NR1D2: variants seen among roughly 807,000 people sequenced by gnomAD.
NR1D2 encodes the protein V-erbA-related protein 1-related.
In NR1D2, 25 loss-of-function variants were observed where a neutral mutation model predicts 52.2. The ratio of observed to expected loss-of-function variants is 0.48; its 90% CI spans 0.35 to 0.67. The LOEUF is 0.67. Ranked by LOEUF, NR1D2 falls within the 30% of genes least tolerant of loss-of-function variation. The pLI is 0.01. For synonymous variants in NR1D2, 259 were observed against 230.1 expected (o/e 1.13, Z -1.14); for missense variants, 681 against 707.2 (o/e 0.96, Z 0.42).
intron 7 of NR1D2, among the ~76,000 whole-genome samples, chr3:23,975,504 G>A (rs1279638054): frequency 3.9e-5 from 6 of 152,138 alleles, no homozygotes; most frequent in Admixed American, 1.3e-4. Context: ...AGGTGCAGTG[G>A]CTTATGCCTG....
In NR1D2 at chr3:23,967,865, C is replaced by T; in HGVS notation, c.1385C>T (p.Thr462Ile). The T allele has an allele frequency of 6.2e-7, 1 of 1,614,042 alleles. No individual in the cohort carries two copies. The highest frequency in any genetic ancestry group is 8.5e-7 in the Non-Finnish European group (1 of 1,180,000). The stretch of plus-strand genomic sequence containing the variant: ...TTTGATGCAAAGGAACGTACTGTCA[C>T]CTTTTTAAGTGGAAAGAAATATAGT... Reference protein sequence around the residue: ...SLFDAKERTVTFLSGKKYSVD... With the variant: ...SLFDAKERTVIFLSGKKYSVD... The change falls in exon 7 of 8, where the codon ACC (threonine) becomes ATC (isoleucine). Residue 462 changes from threonine (T) to isoleucine (I), a missense_variant. Physicochemically the swap from Thr to Ile is moderately conservative, Grantham distance 89. Transcript: ENST00000312521.
chr3:23,963,466 T>G, intron 5 of NR1D2: 3 of 1,121,478 alleles, frequency 2.7e-6, no homozygotes, highest in Non-Finnish European at 3.4e-6. Context: ...TTGTTTTTTT[T>G]TTTGAGACAT....
intron 6 of NR1D2, among the ~76,000 whole-genome samples, chr3:23,965,779 A>G (rs995726115): frequency 1.3e-5 from 2 of 152,206 alleles, no homozygotes; most frequent in African/African-American, 2.4e-5. Flanking sequence ...ATGTGGACTT[A>G]ACAAGTTTCT....
chr3:23,966,316 T>G (rs1232314370), intron 6 of NR1D2, among the ~76,000 whole-genome samples: 1 of 152,246 alleles, frequency 6.6e-6, no homozygotes, highest in African/African-American at 2.4e-5. Flanking sequence ...TGTTAACCGA[T>G]TTAACTTGGA....
At chr3:23,969,771 C>T (rs1422499794) in intron 7 of NR1D2, among the ~76,000 whole-genome samples, 1 of 151,566 alleles carries the variant, frequency 6.6e-6, no homozygotes, top group Non-Finnish European at 1.5e-5. Flanking sequence ...AGTTCTCTGT[C>T]TGAGGTAAGC....
rs1706155832 is a variant in NR1D2, at chr3:23,958,812, G to A, written c.373-859G>A. Among the ~76,000 whole-genome samples the A allele has an allele frequency of 3.3e-5, 5 of 152,022 alleles. No homozygotes were observed. The South Asian group carries it at 1.0e-3, about 32-fold the overall frequency. On this transcript the variant is annotated intron_variant, in intron 3 of 7. Coordinates refer to ENST00000312521, the MANE Select transcript of NR1D2 (RefSeq NM_005126.5). ...AAAATACAAAAAATTAGCCAGGTAT[G>A]GTGGCACGTGCCTGTAATCCCAGCT...
At chr3:23,957,390 CTTTTTTTTT>C (rs201651739) in intron 3 of NR1D2, among the ~76,000 whole-genome samples, 5 of 110,540 alleles carry the variant, frequency 4.5e-5, no homozygotes, top group Admixed American at 1.0e-4. Context: ...CTCTATATAT[CTTTTTTTTT>C]TTTTTTTTTT....
At chr3:23,960,511 A>G (rs537787229) in intron 4 of NR1D2, among the ~76,000 whole-genome samples, 2 of 152,130 alleles carry the variant, frequency 1.3e-5, no homozygotes, top group South Asian at 2.1e-4. Context: ...TTGTATTTTT[A>G]GTAGAGATGG....
At chr3:23,956,161 C>T in intron 3 of NR1D2, 36 bp downstream of exon 3, 1 of 1,530,004 alleles carries the variant, frequency 6.5e-7, no homozygotes, top group African/African-American at 1.4e-5. Context: ...GCTACTGATT[C>T]TGGGATTTAA....
intron 2 of NR1D2, 100 bp downstream of exon 2, chr3:23,954,903 G>A: frequency 9.4e-7 from 1 of 1,067,006 alleles, no homozygotes; most frequent in Non-Finnish European, 1.4e-6. Context: ...TCTGGGTACA[G>A]TTTTCACTCC....
chr3:23,968,812 A>G (rs184531529), intron 7 of NR1D2, among the ~76,000 whole-genome samples: 146 of 152,296 alleles, frequency 9.6e-4, no homozygotes, highest in Non-Finnish European at 1.7e-3. Flanking sequence ...AGTAAGTGCC[A>G]GCTATTTTTA....
Position 23,978,209 on chromosome 3 carries a change from AACAAAG to A in NR1D2, c.*794_*799del. ...ACACGTATTCAAAGTTTATGGGTAC[AACAAAG>A]ACATAGTACATGTACATAATATGTA... On this transcript the variant is annotated 3_prime_UTR_variant, in exon 8 of 8. Coordinates refer to ENST00000312521, the MANE Select transcript of NR1D2 (RefSeq NM_005126.5). 1 of 152,192 alleles carries A rather than the reference AACAAAG, an allele frequency of 6.6e-6. No individual in the cohort carries two copies. Among genetic ancestry groups the A allele is most frequent in the African/African-American group, 2.4e-5 (1 of 41,454 alleles). 9.4% of individuals were successfully genotyped at this position (152,192 alleles called of 1,614,324 possible).
rs1164683528 is a variant in NR1D2, at chr3:23,954,556, C to G, written c.36C>G (p.Ile12Met). The G allele has an allele frequency of 3.1e-6, 5 of 1,613,940 alleles. No individual in the cohort carries two copies. Among genetic ancestry groups the G allele is most frequent in the Admixed American group, 3.3e-5 (2 of 60,002 alleles). Residue 12 changes from isoleucine to methionine, a missense_variant, in exon 2 of 8, where the codon ATC (isoleucine) becomes ATG (methionine). Around this residue, in one of 3 missense-constraint regions of NR1D2, gnomAD observed 94 missense variants for 90.4 expected, o/e 1.04. Coordinates refer to ENST00000312521, the MANE Select transcript of NR1D2 (RefSeq NM_005126.5). The stretch of plus-strand genomic sequence containing the variant: ...TTCTAGGAGGTGTGATTGCCTATAT[C>G]AGTTCTTCCAGCTCAGCCTCAAGCC... The part of the protein sequence containing the change: ...EVNAGGVIAY[I>M]SSSSSASSPA...
chr3:23,972,598 G>A (rs1240515215), intron 7 of NR1D2, among the ~76,000 whole-genome samples: 2 of 152,166 alleles, frequency 1.3e-5, no homozygotes, highest in Admixed American at 1.3e-4. Context: ...TTTGTTGAAG[G>A]TTTGACTTTC....
chr3:23,962,536 G>T lies in NR1D2; in HGVS notation c.1077G>T (p.Pro359=), dbSNP rs145082371. Residue 359 remains proline (P), a synonymous_variant, in exon 5 of 8, where the codon CCG becomes CCT. Transcript: ENST00000312521. ...AYTQRVCDRV[P]IDGFSQNENK... ...CTCAAAGAGTATGTGATAGAGTTCC[G>T]ATAGATGGATTTTCTCAGAATGAGA... 2 of 1,613,794 alleles carry T rather than the reference G, an allele frequency of 1.2e-6. No homozygotes were observed. The highest frequency in any genetic ancestry group is 3.3e-5 in the Admixed American group (2 of 60,012).
In NR1D2 at chr3:23,959,673, T is replaced by C; in HGVS notation, c.375T>C (p.Gly125=). Residue 125 remains glycine, a splice_region_variant and synonymous_variant, in exon 4 of 8, where the codon GGT becomes GGC. Coordinates refer to ENST00000312521, the MANE Select transcript of NR1D2 (RefSeq NM_005126.5). ...AGTAAATCTTCCTTTGTTCTTAGGG[T>C]TTCTTTCGGAGAAGTATTCAACAAA... The part of the protein sequence containing the change: ...YGVHACEGCK[G]FFRRSIQQNI... 6.2e-7 allele frequency: 1 copy of C among 1,608,902 alleles called. No individual in the cohort carries two copies. Among genetic ancestry groups the C allele is most frequent in the Non-Finnish European group, 8.5e-7 (1 of 1,178,544 alleles).
At chr3:23,946,198 C>T in intron 1 of NR1D2, 2 of 985,388 alleles carry the variant, frequency 2.0e-6, no homozygotes, top group Non-Finnish European at 2.4e-6. Context: ...GCGGGGCGTC[C>T]CCGAAGCGGG....
intron 7 of NR1D2, among the ~76,000 whole-genome samples, chr3:23,969,010 G>T (rs1575158165): frequency 6.6e-6 from 1 of 152,114 alleles, no homozygotes; most frequent in Admixed American, 6.5e-5. Context: ...TTGGCCAGGC[G>T]CCAGGGGTGC....
At chr3:23,965,704 G>C (rs961346975) in intron 6 of NR1D2, among the ~76,000 whole-genome samples, 1 of 152,044 alleles carries the variant, frequency 6.6e-6, no homozygotes, top group Non-Finnish European at 1.5e-5. Flanking sequence ...TATTATTTAG[G>C]ATTTGAAATA....
Sources: allele counts gnomAD v4.1 joint callset (sites outside exome capture counted in the v4.1 genomes callset), GRCh38; gene constraint gnomAD v4.1.1; regional missense constraint gnomAD v4.1.1; transcripts MANE v1.5; gene names NCBI Gene and HGNC (gene_info 2026-07-23, HGNC 2026-07-21).